Variants in PRKN observed in about 807,000 individuals in gnomAD.
PRKN encodes E3 ubiquitin-protein ligase parkin.
A neutral mutation model predicts 59.5 loss-of-function variants in PRKN; 56 were observed. That is an observed-to-expected ratio of 0.94 (90% CI 0.76 to 1.18). PRKN has a LOEUF of 1.18. PRKN is among the 50% of genes most tolerant of loss of function. The pLI is 0.00. For missense variants in PRKN, 657 were observed against 596.4 expected, an observed-to-expected ratio of 1.10 and a Z score of -1.06; for synonymous variants, 250 against 222.1, an observed-to-expected ratio of 1.13 and a Z score of -1.12.
chr6:162,298,119 T>C (rs1781764200), intron 2 of PRKN, among the ~76,000 whole-genome samples: 1 of 151,908 alleles, frequency 6.6e-6, no homozygotes, highest in Non-Finnish European at 1.5e-5. Flanking sequence ...CAACCTCCAG[T>C]TGGGTTTTGA....
intron 8 of PRKN, among the ~76,000 whole-genome samples, chr6:161,563,753 G>A (rs953508406): frequency 6.6e-6 from 1 of 152,144 alleles, no homozygotes; most frequent in African/African-American, 2.4e-5. Context: ...AGAAATTAGA[G>A]GTCTGCTGTG....
chr6:162,157,370 C>T (rs1562547804), intron 4 of PRKN, among the ~76,000 whole-genome samples: 1 of 151,830 alleles, frequency 6.6e-6, no homozygotes. Flanking sequence ...CTGATTACCC[C>T]CACCGAGAAT....
chr6:162,719,059 T>A (rs1425041881), intron 1 of PRKN, among the ~76,000 whole-genome samples: 1 of 152,126 alleles, frequency 6.6e-6, no homozygotes, highest in Non-Finnish European at 1.5e-5. Flanking sequence ...TCTCACAGAT[T>A]CCTAAATGAA....
intron 5 of PRKN, among the ~76,000 whole-genome samples, chr6:162,045,961 C>T (rs967753798): frequency 2.0e-5 from 3 of 152,286 alleles, no homozygotes; most frequent in Admixed American, 1.3e-4. Flanking sequence ...AAGCTTACAG[C>T]GGTATTTAAT....
chr6:162,612,020 C>T (rs1782191224), intron 1 of PRKN, among the ~76,000 whole-genome samples: 1 of 143,644 alleles, frequency 7.0e-6, no homozygotes, highest in South Asian at 2.3e-4. Flanking sequence ...CCCGTCTCTA[C>T]TAAAAATACG....
chr6:161,550,724 T>TGTGTGTGTGTGCAC lies in PRKN; in HGVS notation c.934-1735_934-1722dup, dbSNP rs1359491833. Among the ~76,000 whole-genome samples the TGTGTGTGTGTGCAC allele has an allele frequency of 2.5e-4, 31 of 122,086 alleles. No individual in the cohort carries two copies. Among genetic ancestry groups the TGTGTGTGTGTGCAC allele is most frequent in the African/African-American group, 9.6e-4 (28 of 29,148 alleles). 80.1% of individuals were successfully genotyped at this position (122,086 alleles called of 152,430 possible). On this transcript the variant is annotated intron_variant, in intron 8 of 11. Coordinates refer to ENST00000366898, the MANE Select transcript of PRKN (RefSeq NM_004562.3). This position sits in a 1 kb window ranked among gnomAD's most constrained non-coding sequence, Gnocchi z 4.0. ...GACAACTGTGGTAGAAGAAAGGGTA[T>TGTGTGTGTGTGCAC]GTGTGTGTGTGCACGTGTGTGTGTG...
At position 162,035,889 on chromosome 6, in the gene PRKN, T is replaced by C. The variant is rs190481564; in HGVS notation, c.618+18202A>G. ...AGTAACATTAGATTCATAGAAACCC[T>C]TCACACTAAAATAAAATCTGTATGA... On this transcript the variant is annotated intron_variant, in intron 5 of 11. Coordinates refer to ENST00000366898, the MANE Select transcript of PRKN (RefSeq NM_004562.3). 2.0e-5 allele frequency among the ~76,000 whole-genome samples: 3 copies of C among 152,334 alleles called. No homozygotes were observed. The East Asian group carries it at 5.8e-4, about 29-fold the overall frequency.
At chr6:161,532,965 G>C (rs767199067) in intron 9 of PRKN, among the ~76,000 whole-genome samples, 1 of 152,124 alleles carries the variant, frequency 6.6e-6, no homozygotes, top group Non-Finnish European at 1.5e-5. Flanking sequence ...TGAGGAAACA[G>C]TAAGGAAAAT....
intron 5 of PRKN, among the ~76,000 whole-genome samples, chr6:161,990,210 CA>C (rs1236280389): frequency 1.3e-5 from 2 of 152,178 alleles, no homozygotes; most frequent in Non-Finnish European, 2.9e-5. Flanking sequence ...CCTGTCCCCA[CA>C]AAAGCTTCAC....
At chr6:161,477,387 C>T (rs925657066) in intron 9 of PRKN, among the ~76,000 whole-genome samples, 1 of 151,804 alleles carries the variant, frequency 6.6e-6, no homozygotes, top group Non-Finnish European at 1.5e-5. Flanking sequence ...CGTGGTGGCA[C>T]ATGCCTATAA....
In PRKN at chr6:162,372,497, G is replaced by A. The variant is rs189715716; in HGVS notation, c.171+70813C>T. Among the ~76,000 whole-genome samples the A allele has an allele frequency of 1.3e-4, 20 of 152,228 alleles. No individual in the cohort carries two copies. The East Asian group carries it at 2.9e-3, about 22-fold the overall frequency. On this transcript the variant is annotated intron_variant, in intron 2 of 11. Transcript: ENST00000366898. ...ATCAGAAGAAAAATAACTTCCGAGAGGGTTAAGCAATGGGTAAACACGGAC... is the reference window on the plus strand; with the variant it reads ...ATCAGAAGAAAAATAACTTCCGAGAAGGTTAAGCAATGGGTAAACACGGAC...
chr6:162,162,454 T>C (rs531605631), intron 4 of PRKN, among the ~76,000 whole-genome samples: 105 of 152,242 alleles, frequency 6.9e-4, no homozygotes, highest in African/African-American at 2.5e-3. Flanking sequence ...CTGTTTGTAT[T>C]GGGTTTGGTA....
At chr6:161,874,636 A>G (rs1794592427) in intron 6 of PRKN, among the ~76,000 whole-genome samples, 1 of 105,480 alleles carries the variant, frequency 9.5e-6, no homozygotes, top group Non-Finnish European at 1.6e-5. Context: ...ATATATAAAT[A>G]TATATTACAT....
chr6:161,396,009 G>C lies in PRKN; in HGVS notation c.1084-9132C>G, dbSNP rs1431706966. Among the ~76,000 whole-genome samples, 1 of 152,134 alleles carries C rather than the reference G, an allele frequency of 6.6e-6. No homozygotes were observed. The highest frequency in any genetic ancestry group is 6.5e-5 in the Admixed American group (1 of 15,280). On this transcript the variant is annotated intron_variant, in intron 9 of 11. Coordinates refer to ENST00000366898, the MANE Select transcript of PRKN (RefSeq NM_004562.3). The surrounding 1 kb of genome is among the most constrained non-coding windows in gnomAD (Gnocchi z 5.4). ...AGCTTCCCTCACTTGTGGCTGTGTC[G>C]TGAGCCTCAGCTTTGCAGACTTGGC... is the stretch of plus-strand genomic sequence containing the variant.
chr6:161,564,898 C>G (rs1366898228), intron 8 of PRKN, among the ~76,000 whole-genome samples: 1 of 152,252 alleles, frequency 6.6e-6, no homozygotes, highest in Admixed American at 6.5e-5. Context: ...TAGGCCTCCT[C>G]TGACCTCGTC....
In PRKN at chr6:161,547,324, A is replaced by G. The variant is rs958331941; in HGVS notation, c.1083+1530T>C. 6.6e-6 allele frequency among the ~76,000 whole-genome samples: 1 copy of G among 152,234 alleles called. No homozygotes were observed. Among genetic ancestry groups the G allele is most frequent in the African/African-American group, 2.4e-5 (1 of 41,460 alleles). Reference sequence around the variant, plus strand: ...GACTCTTTTAATCCAAAGACATTACAGCATTTTGATTCACTTCTAAAATAA... The same window carrying G: ...GACTCTTTTAATCCAAAGACATTACGGCATTTTGATTCACTTCTAAAATAA... On this transcript the variant is annotated intron_variant, in intron 9 of 11. Coordinates refer to ENST00000366898, the MANE Select transcript of PRKN (RefSeq NM_004562.3). The surrounding 1 kb of genome is among the most constrained non-coding windows in gnomAD (Gnocchi z 4.0).
intron 2 of PRKN, 89 bp downstream of exon 2, chr6:162,443,221 T>C (rs1423990713): frequency 7.5e-7 from 1 of 1,328,942 alleles, no homozygotes; most frequent in Non-Finnish European, 1.1e-6. Flanking sequence ...TTCTATTAGA[T>C]CTCAGGCATG....
rs774696431 is a variant in PRKN at position 161,584,287 on chromosome 6, A to G, written c.872-14871T>C. Among the ~76,000 whole-genome samples the G allele has an allele frequency of 1.3e-5, 2 of 152,182 alleles. No individual in the cohort carries two copies. The highest frequency in any genetic ancestry group is 2.9e-5 in the Non-Finnish European group (2 of 68,036). On this transcript the variant is annotated intron_variant, in intron 7 of 11. Coordinates refer to ENST00000366898, the MANE Select transcript of PRKN (RefSeq NM_004562.3). The surrounding 1 kb of genome is among the most constrained non-coding windows in gnomAD (Gnocchi z 4.8). ...CCTGTCCTTCCAGCTTCCCAATCAA[A>G]TAGGACACCAGAGCCCAACCTTTCT... is the stretch of plus-strand genomic sequence containing the variant.
chr6:161,710,157 C>T (rs761746402), intron 7 of PRKN, among the ~76,000 whole-genome samples: 23 of 151,438 alleles, frequency 1.5e-4, no homozygotes, highest in Non-Finnish European at 2.9e-4. Context: ...AAAAATTCCC[C>T]ATGAAGCTTT....
Sources: gnomAD v4.1 joint callset for allele counts (sites outside exome capture counted in the v4.1 genomes callset) on GRCh38, gnomAD v4.1.1 for gene constraint, Gnocchi (gnomAD v3.1) non-coding constraint, MANE v1.5 for transcripts, NCBI Gene and HGNC (gene_info 2026-07-23, HGNC 2026-07-21) for gene names.